Variants in C8B observed in about 807,000 individuals in gnomAD.
C8B encodes the protein complement component C8 beta chain.
Under a neutral mutation model 64.6 loss-of-function variants are expected in C8B, and 67 were observed. That is an observed-to-expected ratio of 1.04 (90% CI 0.85 to 1.27). The LOEUF (loss-of-function observed/expected upper bound fraction) is 1.27. Ranked by LOEUF, C8B falls within the 50% of genes most tolerant of loss-of-function variation. The probability of loss-of-function intolerance (pLI) is 0.00; values close to 1 mark genes in which losing one functional copy is unlikely to be tolerated. For missense variants in C8B, 790 were observed against 725.2 expected (o/e 1.09, Z -1.03); for synonymous variants, 284 against 257.7 (o/e 1.10, Z -0.98).
chr1:56,955,550 A>G (rs1353858624), intron 3 of C8B, among the ~76,000 whole-genome samples: 1 of 152,204 alleles, frequency 6.6e-6, no homozygotes, highest in Non-Finnish European at 1.5e-5. Context: ...ATGTCTGGTC[A>G]TTTTAAACCA....
At chr1:56,949,008 AT>A (rs35709186) in intron 6 of C8B, among the ~76,000 whole-genome samples, 12,772 of 148,482 alleles carry the variant, frequency 0.086, 735 homozygotes, top group African/African-American at 0.17. Flanking sequence ...TAAGTTAGCT[AT>A]TTTTTTTTTT....
Position 56,933,471 on chromosome 1 carries a change from T to C in C8B, c.1416A>G (p.Glu472=). Residue 472 remains glutamate (E), a synonymous_variant, in exon 10 of 12, where the codon GAA becomes GAG. Transcript: ENST00000371237. ...AGGCAAAATCTGTGGCTGTCACTAG[T>C]TCATACAGAGGCTCCACCTGGAAAG... ...IIKVKVEPLY[E]LVTATDFAYS... The C allele has an allele frequency of 6.2e-7, 1 of 1,613,884 alleles. No homozygotes were observed. Among genetic ancestry groups the C allele is most frequent in the Non-Finnish European group, 8.5e-7 (1 of 1,179,780 alleles).
intron 2 of C8B, among the ~76,000 whole-genome samples, chr1:56,957,635 T>C (rs189536618): frequency 2.0e-5 from 3 of 152,336 alleles, no homozygotes; most frequent in Admixed American, 1.3e-4. Context: ...TACCATCTTA[T>C]GCATTTATTC....
chr1:56,960,720 A>G (rs856844), intron 1 of C8B, among the ~76,000 whole-genome samples: 3 of 152,322 alleles, frequency 2.0e-5, no homozygotes, highest in South Asian at 4.1e-4. Flanking sequence ...TGTGGAATGG[A>G]TAGAAAGTGA....
At chr1:56,949,265 G>T (rs1362239797) in intron 6 of C8B, among the ~76,000 whole-genome samples, 1 of 152,130 alleles carries the variant, frequency 6.6e-6, no homozygotes, top group East Asian at 1.9e-4. Context: ...TTTCAGGAGA[G>T]GGTTAGTTAT....
intron 7 of C8B, 61 bp downstream of exon 7, chr1:56,945,760 A>G (rs1333927240): frequency 6.2e-7 from 1 of 1,607,644 alleles, no homozygotes; most frequent in Non-Finnish European, 8.5e-7. Context: ...GAAAACTACA[A>G]GTTCAACTTA....
At position 56,936,696 on chromosome 1, in the gene C8B, G is replaced by A. The variant is rs1367867324; in HGVS notation, c.1399-3208C>T. Among the ~76,000 whole-genome samples, 8 of 151,706 alleles carry A rather than the reference G, an allele frequency of 5.3e-5. 1 individual carries two copies. The highest frequency in any genetic ancestry group is 7.3e-5 in the African/African-American group (3 of 41,276). On this transcript the variant is annotated intron_variant, in intron 9 of 11. Transcript: ENST00000371237. ...TGCAACCTCCACCTCCTGGGTTCAA[G>A]CGATTCTCCTGCCTCAGCCTCCCGA...
rs375318933 is a variant in C8B, at chr1:56,965,917, G to A, written c.32C>T (p.Ala11Val). MKNSRTWAWR[A>V]PVELFLLCAA... is the part of the protein sequence containing the mutation. Reference sequence around the variant, plus strand: ...ACAGAGAAGAAATAGCTCCACCGGCGCCCTCCAAGCCCATGTCCTGGAATT... The same window carrying A: ...ACAGAGAAGAAATAGCTCCACCGGCACCCTCCAAGCCCATGTCCTGGAATT... The change falls in exon 1 of 12, where the codon GCG becomes GTG. Residue 11 changes from alanine to valine, a missense_variant. Transcript: ENST00000371237. 8.4e-5 allele frequency: 136 copies of A among 1,613,914 alleles called. No homozygotes were observed. The highest frequency in any genetic ancestry group is 3.2e-4 in the African/African-American group (24 of 74,972).
intron 10 of C8B, among the ~76,000 whole-genome samples, chr1:56,932,631 T>C (rs1331068648): frequency 2.0e-5 from 3 of 152,236 alleles, no homozygotes; most frequent in African/African-American, 4.8e-5. Context: ...CTCTCACTTA[T>C]GTCTTCTCTG....
At chr1:56,961,149 C>T (rs1003397346) in intron 1 of C8B, among the ~76,000 whole-genome samples, 3 of 152,096 alleles carry the variant, frequency 2.0e-5, no homozygotes, top group African/African-American at 7.2e-5. Flanking sequence ...TTTGCCTGGG[C>T]CTTCAGTTTC....
At chr1:56,953,953 C>G (rs899655782) in intron 4 of C8B, among the ~76,000 whole-genome samples, 1 of 152,156 alleles carries the variant, frequency 6.6e-6, no homozygotes, top group African/African-American at 2.4e-5. Context: ...TCTCTAGTGA[C>G]AACTTTAAAA....
chr1:56,943,066 T>C (rs1644888208), intron 8 of C8B, among the ~76,000 whole-genome samples: 1 of 151,068 alleles, frequency 6.6e-6, no homozygotes, highest in South Asian at 2.1e-4. Flanking sequence ...AGAGTAAGAC[T>C]CTGTCTCAAA....
intron 10 of C8B, among the ~76,000 whole-genome samples, chr1:56,932,985 G>A (rs1028603658): frequency 2.6e-5 from 4 of 152,156 alleles, no homozygotes; most frequent in South Asian, 4.2e-4. Context: ...AAGTTCTAGT[G>A]GCCCATCCTT....
At chr1:56,953,137 C>A (rs1045448681) in intron 4 of C8B, among the ~76,000 whole-genome samples, 1 of 152,160 alleles carries the variant, frequency 6.6e-6, no homozygotes, top group African/African-American at 2.4e-5. Flanking sequence ...AAGAATCCAG[C>A]CCCTCCTTAG....
Position 56,956,755 on chromosome 1 carries a change from A to C in C8B, c.391+14T>G, listed in dbSNP as rs371013393. On this transcript the variant is annotated intron_variant, in intron 3 of 11. Coordinates refer to ENST00000371237, the MANE Select transcript of C8B (RefSeq NM_000066.4). Reference sequence around the variant, plus strand: ...TTTCAGGCTTTCCCCTCTTACTCCTACATTGATTTATACCTGTCTGTGCAC... The same window carrying C: ...TTTCAGGCTTTCCCCTCTTACTCCTCCATTGATTTATACCTGTCTGTGCAC... 1 of 1,613,554 alleles carries C rather than the reference A, an allele frequency of 6.2e-7. No individual in the cohort carries two copies. Among genetic ancestry groups the C allele is most frequent in the East Asian group, 2.2e-5 (1 of 44,846 alleles).
Position 56,929,522 on chromosome 1 carries a change from T to C in C8B, c.1658A>G (p.Asn553Ser), listed in dbSNP as rs756445020. Residue 553 changes from asparagine to serine, a missense_variant, in exon 12 of 12, where the codon AAT becomes AGT. Transcript: ENST00000371237. ...ACGTCTTCCAGAGCATGAAGACCAATTTGACCAGCAATTCCACTTCCCATC... is the reference window on the plus strand; with the variant it reads ...ACGTCTTCCAGAGCATGAAGACCAACTTGACCAGCAATTCCACTTCCCATC... ...PIDGKWNCWS[N>S]WSSCSGRRKT... The C allele has an allele frequency of 1.9e-6, 3 of 1,613,910 alleles. No individual in the cohort carries two copies. The highest frequency in any genetic ancestry group is 2.5e-6 in the Non-Finnish European group (3 of 1,179,870).
chr1:56,951,069 T>A (rs1009870217), intron 5 of C8B, among the ~76,000 whole-genome samples: 4 of 152,154 alleles, frequency 2.6e-5, no homozygotes, highest in African/African-American at 9.7e-5. Flanking sequence ...GGAGCTAGCC[T>A]TCAAAATGGT....
chr1:56,939,714 A>T (rs1644823435), intron 9 of C8B, among the ~76,000 whole-genome samples: 1 of 152,192 alleles, frequency 6.6e-6, no homozygotes, highest in Non-Finnish European at 1.5e-5. Context: ...AGTGGTTAGG[A>T]TCATTATGTT....
chr1:56,965,378 T>TGA lies in C8B; in HGVS notation c.92+477_92+478dup, dbSNP rs113817142. ...TAACTGCTGGGAACCTTGTGGGGGGTGAGAGAGAGAGAGAGAGAGAGTGTG... is the reference window on the plus strand; with the variant it reads ...TAACTGCTGGGAACCTTGTGGGGGGTGAGAGAGAGAGAGAGAGAGAGAGTGTG... On this transcript the variant is annotated intron_variant, in intron 1 of 11. Transcript: ENST00000371237. Among the ~76,000 whole-genome samples the TGA allele has an allele frequency of 1.0e-2, 1,316 of 132,256 alleles. 20 individuals are homozygous for TGA. Among genetic ancestry groups the TGA allele is most frequent in the African/African-American group, 0.033 (1,195 of 35,992 alleles). 86.8% of individuals were successfully genotyped at this position (132,256 alleles called of 152,430 possible). A position where few individuals can be genotyped will look rare whatever the true frequency, so the allele number is the denominator to read the frequency against.
Sources: gnomAD v4.1 joint callset for allele counts (sites outside exome capture counted in the v4.1 genomes callset) on GRCh38, gnomAD v4.1.1 for gene constraint, MANE v1.5 for transcripts, NCBI Gene and HGNC (gene_info 2026-07-23, HGNC 2026-07-21) for gene names.